The following EPHB1 variants were observed in gnomAD, a reference collection of about 807,000 sequenced individuals.
EPHB1 encodes the protein ephrin type-B receptor 1.
Under a neutral mutation model 94.4 loss-of-function variants are expected in EPHB1, and 30 were observed. The observed-to-expected ratio is 0.32, with a 90% CI of 0.24 to 0.43. The LOEUF (loss-of-function observed/expected upper bound fraction) is 0.43. Among genes scored for constraint, EPHB1 ranks in the 20% least tolerant of loss-of-function variants. EPHB1 has a pLI of 1.00. For missense variants in EPHB1, 1,055 were observed against 1,308.3 expected (o/e 0.81, Z 2.99); for synonymous variants, 522 against 489.1 (o/e 1.07, Z -0.89).
intron 3 of EPHB1, among the ~76,000 whole-genome samples, chr3:135,074,474 A>G (rs1408398046): frequency 2.0e-5 from 3 of 152,230 alleles, no homozygotes; most frequent in Admixed American, 6.5e-5. Flanking sequence ...CTACTGCTTG[A>G]TATGTCCTTA....
At chr3:135,031,886 C>A (rs1480885892) in intron 3 of EPHB1, among the ~76,000 whole-genome samples, 3 of 151,964 alleles carry the variant, frequency 2.0e-5, no homozygotes, top group Non-Finnish European at 4.4e-5. Flanking sequence ...AGTTAAAAAT[C>A]ATTTTTCCTC....
rs1464048864 is a variant in EPHB1, at chr3:134,882,757, CCTTCCTTCCTTT to C, written c.59-43055_59-43044del. On this transcript the variant is annotated intron_variant, in intron 1 of 15. Transcript: ENST00000398015. ...TTCTTTCCTTCTTTCTTCCTTTCTTCCTTCCTTCCTTTCTTTCTTTCTTTCTTTCTTTCTTTC... is the reference window on the plus strand; with the variant it reads ...TTCTTTCCTTCTTTCTTCCTTTCTTCCTTTCTTTCTTTCTTTCTTTCTTTC... Among the ~76,000 whole-genome samples, 51 of 15,300 alleles carry C rather than the reference CCTTCCTTCCTTT, an allele frequency of 3.3e-3. 1 individual carries two copies. Among genetic ancestry groups the C allele is most frequent in the African/African-American group, 4.9e-3 (45 of 9,194 alleles). 10.0% of individuals were successfully genotyped at this position (15,300 alleles called of 152,430 possible).
chr3:135,136,894 A>G (rs950901495), intron 5 of EPHB1, among the ~76,000 whole-genome samples: 1 of 152,212 alleles, frequency 6.6e-6, no homozygotes, highest in African/African-American at 2.4e-5. Context: ...AGACCAGATC[A>G]GGTGCAACTC....
chr3:134,830,775 A>C (rs1389857435), intron 1 of EPHB1, among the ~76,000 whole-genome samples: 2 of 152,146 alleles, frequency 1.3e-5, no homozygotes, highest in Non-Finnish European at 2.9e-5. Context: ...CGCAGATGCA[A>C]CCTTGCCCTC....
intron 3 of EPHB1, among the ~76,000 whole-genome samples, chr3:135,001,690 T>TTGCTGC (rs1049229551): frequency 1.3e-5 from 2 of 152,124 alleles, no homozygotes; most frequent in African/African-American, 2.4e-5. Flanking sequence ...GTTCTTCCCT[T>TTGCTGC]TGCTGCTGCT....
intron 3 of EPHB1, among the ~76,000 whole-genome samples, chr3:134,989,309 G>T (rs568950615): frequency 6.6e-6 from 1 of 152,146 alleles, no homozygotes; most frequent in East Asian, 1.9e-4. Context: ...GAAGATTTTT[G>T]TATTCAAGGC....
intron 13 of EPHB1, among the ~76,000 whole-genome samples, chr3:135,245,932 G>A (rs909325439): frequency 6.6e-6 from 1 of 152,016 alleles, no homozygotes; most frequent in African/African-American, 2.4e-5. Flanking sequence ...GCATGTGCAT[G>A]GGTCCCCATT....
Position 135,189,444 on chromosome 3 carries a change from C to T in EPHB1, c.1883-3132C>T, listed in dbSNP as rs114248420. Reference sequence around the variant, plus strand: ...TGTGACTGGTGCATTTTCACAGGGCCGGATGTTCAGAAGGACATGCACTTG... The same window carrying T: ...TGTGACTGGTGCATTTTCACAGGGCTGGATGTTCAGAAGGACATGCACTTG... On this transcript the variant is annotated intron_variant, in intron 10 of 15. Transcript: ENST00000398015. Among the ~76,000 whole-genome samples, 594 of 152,274 alleles carry T rather than the reference C, an allele frequency of 3.9e-3. 7 individuals carry two copies. The highest frequency in any genetic ancestry group is 0.014 in the African/African-American group (563 of 41,556).
intron 6 of EPHB1, among the ~76,000 whole-genome samples, chr3:135,156,010 C>T (rs1397484356): frequency 6.6e-6 from 1 of 151,830 alleles, no homozygotes; most frequent in East Asian, 1.9e-4. Flanking sequence ...AGTTGATTTC[C>T]AGATCAGCTA....
chr3:134,922,065 A>C (rs1282544948), intron 1 of EPHB1, among the ~76,000 whole-genome samples: 1 of 152,202 alleles, frequency 6.6e-6, no homozygotes, highest in African/African-American at 2.4e-5. Flanking sequence ...GGTGGTGGGC[A>C]TGGGTCCCAG....
At chr3:134,914,103 A>G (rs1240198295) in intron 1 of EPHB1, among the ~76,000 whole-genome samples, 1 of 152,128 alleles carries the variant, frequency 6.6e-6, no homozygotes, top group Non-Finnish European at 1.5e-5. Flanking sequence ...CTGAAGCTGA[A>G]GGCTGGGTTT....
chr3:135,116,879 C>A (rs1432572511), intron 4 of EPHB1, among the ~76,000 whole-genome samples: 3 of 152,232 alleles, frequency 2.0e-5, no homozygotes, highest in Non-Finnish European at 1.5e-5. Flanking sequence ...ACCAGCCAAC[C>A]TTTCCCAAAC....
At chr3:134,800,060 G>A (rs2035908795) in intron 1 of EPHB1, among the ~76,000 whole-genome samples, 1 of 152,170 alleles carries the variant, frequency 6.6e-6, no homozygotes, top group African/African-American at 2.4e-5. Flanking sequence ...GTCTGGCCAT[G>A]AGGATGGAGA....
chr3:134,904,539 C>T (rs1400352303), intron 1 of EPHB1, among the ~76,000 whole-genome samples: 1 of 152,078 alleles, frequency 6.6e-6, no homozygotes, highest in Non-Finnish European at 1.5e-5. Flanking sequence ...GAAGCAACAA[C>T]CCACAGTTTT....
At chr3:135,115,276 A>G (rs1164908378) in intron 4 of EPHB1, among the ~76,000 whole-genome samples, 3 of 152,290 alleles carry the variant, frequency 2.0e-5, no homozygotes, top group African/African-American at 7.2e-5. Context: ...TCTTGGTGTC[A>G]AATTTATAGG....
chr3:135,203,459 G>A (rs1209193811), intron 12 of EPHB1, among the ~76,000 whole-genome samples: 1 of 152,144 alleles, frequency 6.6e-6, no homozygotes, highest in African/African-American at 2.4e-5. Context: ...CTGAGGCAGG[G>A]ATTGGTAAAC....
At chr3:134,837,560 A>C (rs2036694667) in intron 1 of EPHB1, among the ~76,000 whole-genome samples, 1 of 152,192 alleles carries the variant, frequency 6.6e-6, no homozygotes, top group East Asian at 1.9e-4. Context: ...TTGTTGGTGC[A>C]GGGAAGGGGT....
intron 2 of EPHB1, among the ~76,000 whole-genome samples, chr3:134,934,109 T>C (rs1035278533): frequency 6.6e-6 from 1 of 152,114 alleles, no homozygotes; most frequent in African/African-American, 2.4e-5. Context: ...AAAAGGCCTG[T>C]AATTAGGAAA....
At chr3:135,226,518 A>C (rs1163173221) in intron 12 of EPHB1, among the ~76,000 whole-genome samples, 1 of 152,202 alleles carries the variant, frequency 6.6e-6, no homozygotes, top group African/African-American at 2.4e-5. Context: ...GCCCCCAGGC[A>C]GCTGGGTTCT....
Sources: gnomAD v4.1 joint callset for allele counts (sites outside exome capture counted in the v4.1 genomes callset) on GRCh38, gnomAD v4.1.1 for gene constraint, MANE v1.5 for transcripts, NCBI Gene and HGNC (gene_info 2026-07-23, HGNC 2026-07-21) for gene names.